Variants in CELF2 observed in about 807,000 individuals in gnomAD.
The protein encoded by CELF2 is CUGBP Elav-like family member 2.
Under a neutral mutation model 62.6 loss-of-function variants are expected in CELF2, and 8 were observed. That is an observed-to-expected ratio of 0.13 (90% CI 0.07 to 0.23). The LOEUF is 0.23. CELF2 is among the 10% of genes least tolerant of loss of function. The probability of loss-of-function intolerance (pLI) is 1.00; values close to 1 mark genes in which losing one functional copy is unlikely to be tolerated. For synonymous variants in CELF2, 258 were observed against 250.0 expected, an observed-to-expected ratio of 1.03 and a Z score of -0.30; for missense variants, 333 against 671.0, an observed-to-expected ratio of 0.50 and a Z score of 5.56.
the CELF2 span, among the ~76,000 whole-genome samples, chr10:10,605,578 C>A: frequency 6.6e-6 from 1 of 152,210 alleles, no homozygotes; most frequent in Non-Finnish European, 1.5e-5. Context: ...CGTGGTTGAA[C>A]CTGTGGTTTA....
Position 11,319,765 on chromosome 10 carries a change from G to A in CELF2, c.1097-1424G>A, listed in dbSNP as rs1375987340. On this transcript the variant is annotated intron_variant, in intron 10 of 12. Coordinates refer to ENST00000633077, the MANE Select transcript of CELF2 (RefSeq NM_001326342.2). This position sits in a 1 kb window ranked among gnomAD's most constrained non-coding sequence, Gnocchi z 4.4. ...TGAGGCACAATGACAGTCCTCCACT[G>A]TTAAGCTATAGCCTAATTCATATCT... 1 of 470,984 alleles carries A rather than the reference G, an allele frequency of 2.1e-6. No homozygotes were observed. The highest frequency in any genetic ancestry group is 4.4e-6 in the Non-Finnish European group (1 of 227,020). 29.2% of individuals were successfully genotyped at this position (470,984 alleles called of 1,614,324 possible). A position where few individuals can be genotyped will look rare whatever the true frequency, so the allele number is the denominator to read the frequency against.
the CELF2 span, among the ~76,000 whole-genome samples, chr10:10,651,043 G>C: frequency 5.9e-5 from 9 of 152,046 alleles, no homozygotes; most frequent in East Asian, 1.5e-3. Flanking sequence ...GCAGGGCGAG[G>C]CATTGCCTCA....
chr10:11,126,106 G>A (rs2058653486), intron 1 of CELF2, among the ~76,000 whole-genome samples: 1 of 152,182 alleles, frequency 6.6e-6, no homozygotes, highest in African/African-American at 2.4e-5. Context: ...GTCAAGATAC[G>A]CTGTCTGGAA....
chr10:10,924,999 T>A (rs1417581374), intron 2 of CELF2: 1 of 152,046 alleles, frequency 6.6e-6, no homozygotes, highest in Non-Finnish European at 1.5e-5. Flanking sequence ...CGAGAGAGAC[T>A]TACCTCTCCA....
rs2062854940 is a variant in CELF2 at position 11,214,744 on chromosome 10, A to G, written c.272-2681A>G. ...AGAGCTTCTCTTGGCATGATGTTAAAGAATACCTGTTTAGATGAGTGTACA... is the reference window on the plus strand; with the variant it reads ...AGAGCTTCTCTTGGCATGATGTTAAGGAATACCTGTTTAGATGAGTGTACA... On this transcript the variant is annotated intron_variant, in intron 2 of 12. Transcript: ENST00000633077. This position sits in a 1 kb window ranked among gnomAD's most constrained non-coding sequence, Gnocchi z 4.2. Among the ~76,000 whole-genome samples, 1 of 152,242 alleles carries G rather than the reference A, an allele frequency of 6.6e-6. No homozygotes were observed. The highest frequency in any genetic ancestry group is 1.5e-5 in the Non-Finnish European group (1 of 68,044).
At chr10:10,778,099 C>A in the CELF2 span, among the ~76,000 whole-genome samples, 1 of 152,242 alleles carries the variant, frequency 6.6e-6, no homozygotes, top group South Asian at 2.1e-4. Flanking sequence ...TGGAAAGAGT[C>A]CAGTGTCGTG....
the CELF2 span, among the ~76,000 whole-genome samples, chr10:10,563,586 C>T: frequency 1.2e-4 from 16 of 130,744 alleles, no homozygotes; most frequent in African/African-American, 2.4e-4. Context: ...CCAGCCTGGG[C>T]GACATAGGGA....
At chr10:10,472,740 C>T in the CELF2 span, among the ~76,000 whole-genome samples, 1 of 151,918 alleles carries the variant, frequency 6.6e-6, no homozygotes, top group African/African-American at 2.4e-5. Flanking sequence ...TTTGCCTGGA[C>T]ATTAATGCAA....
At chr10:11,175,070 G>A (rs924236300) in intron 2 of CELF2, among the ~76,000 whole-genome samples, 4 of 149,322 alleles carry the variant, frequency 2.7e-5, no homozygotes, top group East Asian at 1.9e-4. Context: ...CTGCCCCCCC[G>A]CCCCAAATGC....
intron 1 of CELF2, among the ~76,000 whole-genome samples, chr10:11,078,986 A>C (rs1176044860): frequency 5.7e-4 from 87 of 152,106 alleles, no homozygotes; most frequent in Non-Finnish European, 4.4e-5. Flanking sequence ...AGCAGCTCAC[A>C]TTTTCTATTG....
the CELF2 span, chr10:10,784,704 C>T: frequency 2.0e-5 from 3 of 152,292 alleles, no homozygotes; most frequent in Admixed American, 1.3e-4. Flanking sequence ...TATGTGGGTA[C>T]AGGATAGGGA....
chr10:11,216,156 C>T (rs1038678584), intron 2 of CELF2, among the ~76,000 whole-genome samples: 2 of 152,182 alleles, frequency 1.3e-5, no homozygotes, highest in African/African-American at 4.8e-5. Context: ...TCATAGTCTA[C>T]CTTGTCCAAA....
At position 10,816,519 on chromosome 10, in the gene CELF2, CT is replaced by C. The variant is rs377210584; in HGVS notation, c.53+17703del. ...TCCCTTTTCCTATAATTATTTTTAT[CT>C]GTATTATGCACATACTGAATAGCCA... On this transcript the variant is annotated intron_variant, in intron 1 of 13. Transcript: ENST00000636488. Among the ~76,000 whole-genome samples, 825 of 152,254 alleles carry C rather than the reference CT, an allele frequency of 5.4e-3. 8 individuals carry two copies. The highest frequency in any genetic ancestry group is 0.019 in the African/African-American group (789 of 41,536).
At chr10:10,832,429 A>T (rs1308141728) in intron 1 of CELF2, among the ~76,000 whole-genome samples, 3 of 152,158 alleles carry the variant, frequency 2.0e-5, no homozygotes, top group African/African-American at 7.2e-5. Context: ...AGATATAGAG[A>T]CAAGTAGGAT....
At chr10:10,579,078 C>T in the CELF2 span, among the ~76,000 whole-genome samples, 6 of 150,632 alleles carry the variant, frequency 4.0e-5, no homozygotes, top group African/African-American at 1.5e-4. Context: ...TTTTTGTTCT[C>T]TACACAGGAA....
At chr10:10,641,471 GTTC>G in the CELF2 span, among the ~76,000 whole-genome samples, 2 of 151,964 alleles carry the variant, frequency 1.3e-5, no homozygotes, top group South Asian at 2.1e-4. Context: ...ACAAAGTTTT[GTTC>G]TTCTTGTCCA....
chr10:11,202,765 A>G (rs1160229615), intron 2 of CELF2, among the ~76,000 whole-genome samples: 3 of 152,164 alleles, frequency 2.0e-5, no homozygotes, highest in African/African-American at 7.2e-5. Context: ...GAATATTATT[A>G]TCATTTGTTA....
chr10:10,847,673 T>C (rs1279905303), intron 1 of CELF2, among the ~76,000 whole-genome samples: 2 of 152,362 alleles, frequency 1.3e-5, no homozygotes, highest in African/African-American at 4.8e-5. Flanking sequence ...AGCGTGTTCA[T>C]TGTGCAGAGC....
chr10:10,876,686 T>A (rs2061117076), intron 1 of CELF2, among the ~76,000 whole-genome samples: 2 of 152,334 alleles, frequency 1.3e-5, no homozygotes, highest in South Asian at 2.1e-4. Flanking sequence ...GTATTGGTTT[T>A]CCTACTCTCC....
Sources: allele counts gnomAD v4.1 joint callset (sites outside exome capture counted in the v4.1 genomes callset), GRCh38; gene constraint gnomAD v4.1.1; non-coding constraint Gnocchi (gnomAD v3.1); transcripts MANE v1.5; gene names NCBI Gene and HGNC (gene_info 2026-07-23, HGNC 2026-07-21).